Variants in SYNPR observed in about 807,000 individuals in gnomAD.
SYNPR encodes the protein synaptoporin.
SYNPR carries 23 observed loss-of-function variants against 32.9 expected under a neutral mutation model. The observed-to-expected ratio is 0.70, with a 90% CI of 0.50 to 0.99. The LOEUF (loss-of-function observed/expected upper bound fraction) is 0.99. Ranked by LOEUF, SYNPR falls within the 50% of genes least tolerant of loss-of-function variation. The probability of loss-of-function intolerance (pLI) is 0.00; values close to 1 mark genes in which losing one functional copy is unlikely to be tolerated. For synonymous variants in SYNPR, 146 were observed against 135.9 expected (o/e 1.07, Z -0.52); for missense variants, 318 against 349.3 (o/e 0.91, Z 0.71).
chr3:63,355,288 A>C (rs1379424479), intron 2 of SYNPR, among the ~76,000 whole-genome samples: 4 of 151,854 alleles, frequency 2.6e-5, no homozygotes. Context: ...AAAAAAAAAA[A>C]AAAAGTCCCA....
chr3:63,509,965 C>A (rs1025313951), intron 3 of SYNPR, among the ~76,000 whole-genome samples: 2 of 151,614 alleles, frequency 1.3e-5, no homozygotes, highest in African/African-American at 2.4e-5. Flanking sequence ...TCTTTGCTTC[C>A]TTTTTTTCCT....
At chr3:63,469,631 G>T (rs1163452091) in intron 2 of SYNPR, among the ~76,000 whole-genome samples, 1 of 152,180 alleles carries the variant, frequency 6.6e-6, no homozygotes, top group East Asian at 1.9e-4. Context: ...AAATATGAGA[G>T]AATTGGAGTT....
intron 2 of SYNPR, among the ~76,000 whole-genome samples, chr3:63,299,730 A>G (rs1253235297): frequency 6.6e-6 from 1 of 152,180 alleles, no homozygotes; most frequent in Non-Finnish European, 1.5e-5. Flanking sequence ...TGACATTGAT[A>G]CTAACTTTTT....
chr3:63,379,604 G>C (rs1291694856), intron 2 of SYNPR, among the ~76,000 whole-genome samples: 2 of 151,922 alleles, frequency 1.3e-5, no homozygotes, highest in Admixed American at 6.6e-5. Context: ...TCTTTACTTT[G>C]AAGTTTACTT....
At chr3:63,391,895 A>G (rs1291672381) in intron 2 of SYNPR, among the ~76,000 whole-genome samples, 1 of 152,214 alleles carries the variant, frequency 6.6e-6, no homozygotes, top group African/African-American at 2.4e-5. Context: ...AGTAAACAGC[A>G]GAAGCAAAAT....
chr3:63,614,111 T>C (rs1700243702), intron 5 of SYNPR, among the ~76,000 whole-genome samples: 1 of 152,206 alleles, frequency 6.6e-6, no homozygotes, highest in South Asian at 2.1e-4. Context: ...AGCAAAGGAC[T>C]TCCAGCACCC....
At chr3:63,351,150 C>T (rs2087501722) in intron 2 of SYNPR, among the ~76,000 whole-genome samples, 1 of 152,124 alleles carries the variant, frequency 6.6e-6, no homozygotes, top group African/African-American at 2.4e-5. Context: ...TCTCAGAAGC[C>T]AGAATTCTGA....
chr3:63,465,263 G>A (rs1034787995), intron 2 of SYNPR, among the ~76,000 whole-genome samples: 3 of 151,914 alleles, frequency 2.0e-5, no homozygotes, highest in Non-Finnish European at 2.9e-5. Flanking sequence ...TGGGTCCTTA[G>A]CACAATCAAT....
intron 3 of SYNPR, among the ~76,000 whole-genome samples, chr3:63,493,378 C>T (rs1038768411): frequency 1.3e-5 from 2 of 152,062 alleles, no homozygotes; most frequent in African/African-American, 4.8e-5. Context: ...AACTGGAAAA[C>T]CAGGATTCAC....
chr3:63,492,837 T>G (rs1307250779), intron 3 of SYNPR, among the ~76,000 whole-genome samples: 1 of 152,120 alleles, frequency 6.6e-6, no homozygotes, highest in East Asian at 1.9e-4. Flanking sequence ...AGTTCTAGTT[T>G]TTTCCTTACA....
At chr3:63,566,806 C>T (rs184429234) in intron 4 of SYNPR, among the ~76,000 whole-genome samples, 1 of 152,266 alleles carries the variant, frequency 6.6e-6, no homozygotes, top group East Asian at 1.9e-4. Flanking sequence ...TGGGTTATTA[C>T]CCATAAAGCC....
rs117973406 is a variant in SYNPR, at chr3:63,449,718, C to T, written c.85-31114C>T. Among the ~76,000 whole-genome samples, 30 of 152,278 alleles carry T rather than the reference C, an allele frequency of 2.0e-4. No homozygotes were observed. In the East Asian group the frequency reaches 5.0e-3, roughly 25 times the overall value. On this transcript the variant is annotated intron_variant, in intron 2 of 5. Transcript: ENST00000478300. ...GTTGCTTTCCCCGAATATACTAGTG[C>T]CATTTGCCAACAAAGACAAGTAAGG...
intron 2 of SYNPR, among the ~76,000 whole-genome samples, chr3:63,407,259 A>G (rs993401486): frequency 1.3e-5 from 2 of 152,208 alleles, no homozygotes; most frequent in Admixed American, 6.5e-5. Flanking sequence ...ACTGTGTCCA[A>G]TTGACTTCTT....
At chr3:63,546,040 A>T (rs1354728658) in intron 3 of SYNPR, among the ~76,000 whole-genome samples, 3 of 152,132 alleles carry the variant, frequency 2.0e-5, no homozygotes, top group African/African-American at 4.8e-5. Context: ...TTCACAATTC[A>T]CTTGGGTAGA....
At chr3:63,423,686 C>G (rs1182668258) in intron 2 of SYNPR, 1 of 152,198 alleles carries the variant, frequency 6.6e-6, no homozygotes, top group Non-Finnish European at 1.5e-5. Flanking sequence ...ATCATTGGTT[C>G]TGGATGTTGT....
chr3:63,287,088 C>G (rs1430361044), intron 2 of SYNPR, among the ~76,000 whole-genome samples: 1 of 152,118 alleles, frequency 6.6e-6, no homozygotes, highest in African/African-American at 2.4e-5. Flanking sequence ...CTCTTTGAAG[C>G]CTACAAGAAA....
intron 2 of SYNPR, among the ~76,000 whole-genome samples, chr3:63,257,808 T>C (rs1034269072): frequency 1.3e-5 from 2 of 152,190 alleles, no homozygotes; most frequent in African/African-American, 4.8e-5. Flanking sequence ...ATCAGTGTGC[T>C]GTATTCAGAA....
chr3:63,557,205 G>A (rs1702610073), intron 4 of SYNPR, among the ~76,000 whole-genome samples: 1 of 152,072 alleles, frequency 6.6e-6, no homozygotes, highest in Admixed American at 6.5e-5. Context: ...GGACTCATAT[G>A]AGTGAAATCA....
chr3:63,607,558 A>C (rs148316215), intron 4 of SYNPR, among the ~76,000 whole-genome samples: 35 of 152,362 alleles, frequency 2.3e-4, no homozygotes, highest in African/African-American at 7.9e-4. Flanking sequence ...ATGAAAAGTA[A>C]AAAGAAGAAA....
Sources: gnomAD v4.1 joint callset for allele counts (sites outside exome capture counted in the v4.1 genomes callset) on GRCh38, gnomAD v4.1.1 for gene constraint, MANE v1.5 for transcripts, NCBI Gene and HGNC (gene_info 2026-07-23, HGNC 2026-07-21) for gene names.